The following ESRRG variants were observed in gnomAD, a reference collection of about 807,000 sequenced individuals.
The protein encoded by ESRRG is estrogen-related receptor gamma.
ESRRG carries 13 observed loss-of-function variants against 44.0 expected under a neutral mutation model. That is an observed-to-expected ratio of 0.30 (90% CI 0.19 to 0.47). The LOEUF is 0.47. Ranked by LOEUF, ESRRG falls within the 20% of genes least tolerant of loss-of-function variation. The pLI, the probability that ESRRG is intolerant of heterozygous loss-of-function variation, is 1.00. For synonymous variants in ESRRG, 215 were observed against 214.6 expected (o/e 1.00, Z -0.02); for missense variants, 395 against 580.6 (o/e 0.68, Z 3.29).
At chr1:217,034,265 G>A (rs1315490221) in intron 1 of ESRRG, among the ~76,000 whole-genome samples, 1 of 152,190 alleles carries the variant, frequency 6.6e-6, no homozygotes, top group East Asian at 1.9e-4. Flanking sequence ...ACGGCTTGCT[G>A]TAGAAAGGGA....
At chr1:217,134,769 T>C (rs923269289) in intron 1 of ESRRG, among the ~76,000 whole-genome samples, 2 of 152,246 alleles carry the variant, frequency 1.3e-5, no homozygotes, top group African/African-American at 4.8e-5. Flanking sequence ...CAGCCTGCTG[T>C]GGTCCCGTCC....
At chr1:216,525,511 A>G (rs1209287347) in intron 5 of ESRRG, among the ~76,000 whole-genome samples, 4 of 126,656 alleles carry the variant, frequency 3.2e-5, no homozygotes, top group Non-Finnish European at 6.2e-5. Context: ...GTATGGGCTG[A>G]GCTGCCTTAA....
intron 2 of ESRRG, among the ~76,000 whole-genome samples, chr1:216,882,878 T>G (rs1406894617): frequency 1.3e-5 from 2 of 152,102 alleles, no homozygotes; most frequent in Non-Finnish European, 2.9e-5. Context: ...AGGGAAATCA[T>G]GTTTTGATAT....
intron 2 of ESRRG, among the ~76,000 whole-genome samples, chr1:216,848,825 GAATC>G (rs2095799789): frequency 1.3e-5 from 2 of 151,802 alleles, no homozygotes; most frequent in Non-Finnish European, 2.9e-5. Context: ...ACTCTTTGAA[GAATC>G]ACCGAGAAAC....
At chr1:217,122,009 T>C (rs1054193392) in intron 1 of ESRRG, among the ~76,000 whole-genome samples, 1 of 152,160 alleles carries the variant, frequency 6.6e-6, no homozygotes, top group Non-Finnish European at 1.5e-5. Context: ...AACCACGAGT[T>C]AGGTTAACTA....
chr1:216,619,815 A>G (rs1574226207), intron 3 of ESRRG, among the ~76,000 whole-genome samples: 1 of 152,214 alleles, frequency 6.6e-6, no homozygotes, highest in Admixed American at 6.5e-5. Context: ...AGTACACCCA[A>G]TGCATGTGGC....
intron 1 of ESRRG, among the ~76,000 whole-genome samples, chr1:217,003,577 A>ATAT (rs1197546035): frequency 2.7e-5 from 4 of 147,502 alleles, no homozygotes; most frequent in African/African-American, 1.0e-4. Flanking sequence ...ATACTAATTA[A>ATAT]TAAGTATTAA....
At chr1:216,915,673 A>C (rs886867536) in intron 2 of ESRRG, among the ~76,000 whole-genome samples, 1 of 152,228 alleles carries the variant, frequency 6.6e-6, no homozygotes, top group Non-Finnish European at 1.5e-5. Flanking sequence ...CACAGGATGC[A>C]AGGCTGCATC....
intron 2 of ESRRG, among the ~76,000 whole-genome samples, chr1:216,865,408 C>T (rs774836006): frequency 1.1e-4 from 17 of 151,766 alleles, no homozygotes; most frequent in Non-Finnish European, 2.1e-4. Flanking sequence ...ATCAACCATC[C>T]TTGACAACTG....
intron 1 of ESRRG, among the ~76,000 whole-genome samples, chr1:217,032,242 A>T (rs1382482563): frequency 6.6e-6 from 1 of 152,206 alleles, no homozygotes; most frequent in East Asian, 1.9e-4. Flanking sequence ...ACTGAAAATT[A>T]AATTTTCAGT....
chr1:216,845,419 A>T (rs1487651449), intron 2 of ESRRG, among the ~76,000 whole-genome samples: 1 of 152,160 alleles, frequency 6.6e-6, no homozygotes, highest in Non-Finnish European at 1.5e-5. Context: ...TATTCCACCT[A>T]CTGTAGAAAA....
chr1:216,678,857 C>T lies in ESRRG; in HGVS notation c.57-1366G>A, dbSNP rs564061671. On this transcript the variant is annotated intron_variant, in intron 1 of 6. Transcript: ENST00000408911. ...TCATCACAGGATAACCAAAGGGATG[C>T]AATTATCTCTTTCACTATAAATCTA... is the stretch of plus-strand genomic sequence containing the variant. Among the ~76,000 whole-genome samples the T allele has an allele frequency of 8.7e-4, 133 of 152,264 alleles. 1 individual carries two copies. The highest frequency in any genetic ancestry group is 3.4e-3 in the Middle Eastern group (1 of 294).
At chr1:217,018,059 C>A (rs2789552) in intron 1 of ESRRG, among the ~76,000 whole-genome samples, 109,374 of 152,104 alleles carry the variant, frequency 0.72, 39,988 homozygotes, top group African/African-American at 0.87. Context: ...TCTGGATTTC[C>A]GAATTATGGA....
intron 1 of ESRRG, among the ~76,000 whole-genome samples, chr1:217,082,826 C>T (rs1279930058): frequency 4.6e-5 from 7 of 152,136 alleles, no homozygotes; most frequent in African/African-American, 1.7e-4. Flanking sequence ...CATATCTTAT[C>T]ACAAGTGATA....
chr1:217,001,751 A>T (rs1367354490), intron 1 of ESRRG, among the ~76,000 whole-genome samples: 1 of 152,210 alleles, frequency 6.6e-6, no homozygotes, highest in African/African-American at 2.4e-5. Context: ...GGGCCGGTTC[A>T]CATAAGGCTT....
At chr1:216,751,171 C>T (rs991456681) in intron 2 of ESRRG, among the ~76,000 whole-genome samples, 11 of 152,098 alleles carry the variant, frequency 7.2e-5, no homozygotes, top group African/African-American at 1.2e-4. Flanking sequence ...TCTCCTTACA[C>T]GCTTAAGAGA....
intron 1 of ESRRG, among the ~76,000 whole-genome samples, chr1:216,713,966 C>T (rs752401850): frequency 6.6e-6 from 1 of 152,300 alleles, no homozygotes; most frequent in Middle Eastern, 3.4e-3. Context: ...TGTACTGCTC[C>T]TCTCTCTTTC....
Position 216,781,467 on chromosome 1 carries a change from T to C in ESRRG, c.-13-103976A>G, listed in dbSNP as rs1037162315. ...ATTTCTCAACATCCAACAATGGATT[T>C]ACCTGTGTGAGCATATGCAGAAGAG... On this transcript the variant is annotated intron_variant, in intron 2 of 7. Coordinates refer to the ESRRG transcript ENST00000359162. Among the ~76,000 whole-genome samples the C allele has an allele frequency of 4.6e-5, 7 of 152,086 alleles. No individual in the cohort carries two copies. The South Asian group carries it at 1.4e-3, about 31-fold the overall frequency.
intron 2 of ESRRG, among the ~76,000 whole-genome samples, chr1:216,667,809 A>C (rs367638920): frequency 1.3e-5 from 2 of 152,146 alleles, no homozygotes; most frequent in East Asian, 3.9e-4. Context: ...ATTACTTAAA[A>C]TAAATAAGGC....
Sources: allele counts gnomAD v4.1 joint callset (sites outside exome capture counted in the v4.1 genomes callset), GRCh38; gene constraint gnomAD v4.1.1; transcripts MANE v1.5; gene names NCBI Gene and HGNC (gene_info 2026-07-23, HGNC 2026-07-21).